The following SLC38A6 variants were observed in gnomAD, a reference collection of about 807,000 sequenced individuals.
SLC38A6 encodes solute carrier family 38 member 6.
SLC38A6 carries 73 observed loss-of-function variants against 65.0 expected under a neutral mutation model. That is an observed-to-expected ratio of 1.12 (90% confidence interval 0.93 to 1.37). SLC38A6 has a LOEUF of 1.37. SLC38A6 is among the 40% of genes most tolerant of loss of function. The pLI, the probability that SLC38A6 is intolerant of heterozygous loss-of-function variation, is 0.00. For synonymous variants in SLC38A6, 183 were observed against 178.8 expected, an observed-to-expected ratio of 1.02 and a Z score of -0.19; for missense variants, 561 against 531.1, an observed-to-expected ratio of 1.06 and a Z score of -0.55.
chr14:61,018,285 G>C (rs2040137059), intron 4 of SLC38A6, among the ~76,000 whole-genome samples: 1 of 152,154 alleles, frequency 6.6e-6, no homozygotes, highest in African/African-American at 2.4e-5. Context: ...GTTCAAAATA[G>C]TCTTTTCACA....
At chr14:60,994,699 C>T (rs1390765766) in intron 3 of SLC38A6, among the ~76,000 whole-genome samples, 3 of 122,384 alleles carry the variant, frequency 2.5e-5, no homozygotes, top group South Asian at 2.7e-4. Context: ...AGCAAAACCT[C>T]GTCTCAAAAA....
At chr14:60,988,170 T>C (rs545997333) in intron 3 of SLC38A6, among the ~76,000 whole-genome samples, 7 of 152,328 alleles carry the variant, frequency 4.6e-5, no homozygotes, top group African/African-American at 1.7e-4. Flanking sequence ...TTCTCTCAAG[T>C]GGTCAGTCTT....
rs777244931 is a variant in SLC38A6, at chr14:60,984,781, G to T, written c.288G>T (p.Leu96=). The stretch of plus-strand genomic sequence containing the variant: ...TGGCTTCTTACTCAGTCCATCTTCT[G>T]CTTAGTATGTGTATTCAGACAGGTG... The part of the protein sequence containing the change: ...ALLASYSVHL[L]LSMCIQTAVT... Residue 96 remains leucine (L), a synonymous_variant, in exon 3 of 16, where the codon CTG becomes CTT. Transcript: ENST00000267488. 4.5e-5 allele frequency: 72 copies of T among 1,613,706 alleles called. No individual in the cohort carries two copies. The Admixed American group carries it at 1.1e-3, about 25-fold the overall frequency.
At chr14:61,043,616 G>GAAAGTGCT (rs1304470231) in intron 10 of SLC38A6, 113 bp downstream of exon 10, 2 of 608,738 alleles carry the variant, frequency 3.3e-6, no homozygotes, top group African/African-American at 3.8e-5. Context: ...TAATTTTCAT[G>GAAAGTGCT]AAAGTGCTAA....
At position 61,052,462 on chromosome 14, in the gene SLC38A6, T is replaced by C. The variant is rs2042565421; in HGVS notation, c.*33T>C. On this transcript the variant is annotated 3_prime_UTR_variant, in exon 16 of 16. Transcript: ENST00000267488. ...ATTTTCCTACTTCTTACAAGAATAATATACCCCTAGTTGCAAGAATGAATT... is the reference window on the plus strand; with the variant it reads ...ATTTTCCTACTTCTTACAAGAATAACATACCCCTAGTTGCAAGAATGAATT... 2 of 1,545,372 alleles carry C rather than the reference T, an allele frequency of 1.3e-6. No individual in the cohort carries two copies. The highest frequency in any genetic ancestry group is 1.7e-6 in the Non-Finnish European group (2 of 1,150,658).
intron 13 of SLC38A6, 149 bp from the exon 14 acceptor site, chr14:61,051,638 A>G: frequency 1.3e-6 from 1 of 774,192 alleles, no homozygotes; most frequent in Non-Finnish European, 2.0e-6. Context: ...ATGTGTATAA[A>G]TACTTTATAA....
At chr14:60,982,110 T>C in intron 1 of SLC38A6, 1 of 457,938 alleles carries the variant, frequency 2.2e-6, no homozygotes, top group South Asian at 1.5e-5. Context: ...TCCTAGTAAT[T>C]GAGGAGAAAC....
intron 5 of SLC38A6, among the ~76,000 whole-genome samples, chr14:61,027,374 G>C (rs1050812441): frequency 6.6e-6 from 1 of 152,090 alleles, no homozygotes; most frequent in Non-Finnish European, 1.5e-5. Flanking sequence ...TATTAATTTA[G>C]AGTAGAACAT....
At chr14:60,991,952 T>C (rs1461486751) in intron 3 of SLC38A6, among the ~76,000 whole-genome samples, 1 of 152,132 alleles carries the variant, frequency 6.6e-6, no homozygotes, top group African/African-American at 2.4e-5. Context: ...CAGAACTTAA[T>C]ATGCCCGATG....
At chr14:61,064,194 C>T (rs1023260339) in intron 15 of SLC38A6, among the ~76,000 whole-genome samples, 1 of 152,210 alleles carries the variant, frequency 6.6e-6, no homozygotes, top group Non-Finnish European at 1.5e-5. Context: ...CAGGCCACAG[C>T]CAGACATGGC....
chr14:61,072,752 T>C (rs1251629376), intron 15 of SLC38A6, among the ~76,000 whole-genome samples: 1 of 152,208 alleles, frequency 6.6e-6, no homozygotes, highest in Admixed American at 6.5e-5. Flanking sequence ...GTGTATATGT[T>C]CCACATTTTC....
chr14:61,012,049 C>T (rs1333942210), intron 3 of SLC38A6, among the ~76,000 whole-genome samples: 3 of 152,158 alleles, frequency 2.0e-5, no homozygotes, highest in East Asian at 3.8e-4. Context: ...TAATTATTGC[C>T]TCAATTTCAG....
intron 3 of SLC38A6, among the ~76,000 whole-genome samples, chr14:61,007,562 A>G (rs1304588432): frequency 6.6e-6 from 1 of 152,166 alleles, no homozygotes; most frequent in African/African-American, 2.4e-5. Context: ...GGATTGCTTG[A>G]GCCCAGTAGT....
At chr14:61,082,187 GA>G (rs2043684215) in intron 16 of SLC38A6, among the ~76,000 whole-genome samples, 1 of 152,100 alleles carries the variant, frequency 6.6e-6, no homozygotes, top group African/African-American at 2.4e-5. Context: ...AAAACATACT[GA>G]AAAGTTTGAG....
chr14:61,049,334 A>G (rs1206792385), intron 12 of SLC38A6, among the ~76,000 whole-genome samples: 2 of 152,228 alleles, frequency 1.3e-5, no homozygotes, highest in Non-Finnish European at 2.9e-5. Flanking sequence ...TTATTTTCTC[A>G]GATGCACATT....
At chr14:61,047,962 GATAGATAGATAGATACATACATACATAC>G (rs1314890513) in intron 12 of SLC38A6, among the ~76,000 whole-genome samples, 10 of 43,262 alleles carry the variant, frequency 2.3e-4, no homozygotes, top group African/African-American at 1.1e-3. Context: ...AGATTAGATA[GATAGATAGATAGATACATACATACATAC>G]ATACATACAT....
At chr14:61,044,594 TG>T (rs1269642955) in intron 10 of SLC38A6, among the ~76,000 whole-genome samples, 2 of 152,162 alleles carry the variant, frequency 1.3e-5, no homozygotes, top group Non-Finnish European at 2.9e-5. Context: ...TTTAAGAGCC[TG>T]AAGTTAGTTA....
At chr14:61,006,973 C>T (rs1372822919) in intron 3 of SLC38A6, among the ~76,000 whole-genome samples, 1 of 152,130 alleles carries the variant, frequency 6.6e-6, no homozygotes, top group Non-Finnish European at 1.5e-5. Context: ...CACATATACA[C>T]CATGGAATAC....
chr14:60,982,076 T>C (rs2037084200), intron 1 of SLC38A6: 1 of 446,692 alleles, frequency 2.2e-6, no homozygotes, highest in South Asian at 1.6e-5. Flanking sequence ...TCATTAGATA[T>C]ATAAGTAGAG....
Sources: allele counts gnomAD v4.1 joint callset (sites outside exome capture counted in the v4.1 genomes callset), GRCh38; gene constraint gnomAD v4.1.1; transcripts MANE v1.5; gene names NCBI Gene and HGNC (gene_info 2026-07-23, HGNC 2026-07-21).